Variants in RTL4 observed in about 807,000 individuals in gnomAD.
RTL4 encodes the protein retrotransposon Gag like 4, also known as retrotransposon Gag-like protein 4.
Under a neutral mutation model 5.3 loss-of-function variants are expected in RTL4, and 4 were observed. The observed-to-expected ratio is 0.75, with a 90% confidence interval of 0.37 to 1.72. RTL4 has a LOEUF of 1.72. Among genes scored for constraint, RTL4 ranks in the 40% most tolerant of loss-of-function variants. The pLI, the probability that RTL4 is intolerant of heterozygous loss-of-function variation, is 0.04. For missense variants in RTL4, 260 were observed against 227.1 expected (o/e 1.14, Z -0.93); for synonymous variants, 98 against 87.3 (o/e 1.12, Z -0.68).
At chrX:112,282,298 G>T in the RTL4 span, among the ~76,000 whole-genome samples, 1 of 111,966 alleles carries the variant, frequency 8.9e-6, no homozygotes, top group Admixed American at 9.4e-5. Flanking sequence ...GACCATAAAT[G>T]CATGAATGTA....
At chrX:112,338,921 C>T in the RTL4 span, among the ~76,000 whole-genome samples, 1 of 111,651 alleles carries the variant, frequency 9.0e-6, no homozygotes, top group African/African-American at 3.3e-5. Flanking sequence ...GATGCATTTC[C>T]CATGTCATGA....
At chrX:112,447,420 A>G in the RTL4 span, among the ~76,000 whole-genome samples, 1 of 112,302 alleles carries the variant, frequency 8.9e-6, no homozygotes, top group African/African-American at 3.2e-5. Flanking sequence ...AATTCACCCA[A>G]GGTCTCATAG....
At chrX:112,245,458 C>A in the RTL4 span, among the ~76,000 whole-genome samples, 1 of 111,672 alleles carries the variant, frequency 9.0e-6, no homozygotes, top group South Asian at 3.8e-4. Flanking sequence ...TCTTCAATCA[C>A]TGATACCCTT....
the RTL4 span, among the ~76,000 whole-genome samples, chrX:112,350,395 G>C: frequency 7.3e-5 from 8 of 108,906 alleles, no homozygotes; most frequent in East Asian, 2.0e-3. Flanking sequence ...AGTTAGGGAG[G>C]ATTCCCTCTT....
At chrX:112,457,388 C>T (rs1030843755), downstream of RTL4, among the ~76,000 whole-genome samples, 4 of 111,711 alleles carry the variant, frequency 3.6e-5, no homozygotes, top group African/African-American at 6.5e-5. Context: ...TAAGAAATTC[C>T]GACTATAGTA....
chrX:112,224,495 C>T, the RTL4 span, among the ~76,000 whole-genome samples: 2 of 109,384 alleles, frequency 1.8e-5, no homozygotes, highest in East Asian at 5.7e-4. Context: ...GTATGTGCCA[C>T]CATGCCTGGC....
At chrX:112,287,620 C>A in the RTL4 span, among the ~76,000 whole-genome samples, 1 of 111,542 alleles carries the variant, frequency 9.0e-6, no homozygotes, top group Non-Finnish European at 1.9e-5. Flanking sequence ...TAGGAGCATT[C>A]ATTTGAGAGC....
At chrX:112,294,729 C>T in the RTL4 span, among the ~76,000 whole-genome samples, 39 of 112,320 alleles carry the variant, frequency 3.5e-4, no homozygotes, top group Non-Finnish European at 5.8e-4. Flanking sequence ...TTGAATCAGC[C>T]TTAATCTTCT....
chrX:112,181,495 G>T, the RTL4 span, among the ~76,000 whole-genome samples: 3 of 111,542 alleles, frequency 2.7e-5, no homozygotes, highest in African/African-American at 9.8e-5. Context: ...CTTGGTGGGG[G>T]GAAGGGGGTC....
the RTL4 span, among the ~76,000 whole-genome samples, chrX:112,327,881 C>T: frequency 9.1e-6 from 1 of 110,212 alleles, no homozygotes; most frequent in Admixed American, 9.7e-5. Context: ...AATTTTCAAC[C>T]CAGAATTTCA....
rs758838079 is a variant in RTL4, at chrX:112,454,962, G to A, written c.234G>A (p.Val78=). Reference sequence around the variant, plus strand: ...ATTGCTCAGAGTTCCTCACTCAGGTGACTACCTACTTGACAGCTCTCCAAA... The same window carrying A: ...ATTGCTCAGAGTTCCTCACTCAGGTAACTACCTACTTGACAGCTCTCCAAA... The change falls in exon 1 of 1, where the codon GTG becomes GTA. Residue 78 remains valine (V), a synonymous_variant. Coordinates refer to ENST00000340433, the Ensembl canonical transcript of RTL4. The A allele has an allele frequency of 2.8e-4, 344 of 1,209,367 alleles. No homozygotes were observed. The Middle Eastern group carries it at 5.3e-3, about 19-fold the overall frequency.
the RTL4 span, among the ~76,000 whole-genome samples, chrX:112,216,469 G>T: frequency 7.2e-5 from 8 of 111,813 alleles, no homozygotes; most frequent in Non-Finnish European, 1.3e-4. Flanking sequence ...AAGGATGTTT[G>T]GGGATTAACA....
chrX:112,352,120 C>A, the RTL4 span, among the ~76,000 whole-genome samples: 73 of 110,913 alleles, frequency 6.6e-4, no homozygotes, highest in Non-Finnish European at 1.2e-3. Context: ...TTCTCCTTCA[C>A]TTATGAAGCT....
At chrX:112,138,940 A>G in the RTL4 span, among the ~76,000 whole-genome samples, 1 of 111,671 alleles carries the variant, frequency 9.0e-6, no homozygotes, top group South Asian at 3.7e-4. Context: ...TTGTTTTTAA[A>G]TAATGTCTGT....
chrX:112,171,912 A>G, the RTL4 span, among the ~76,000 whole-genome samples: 2 of 112,384 alleles, frequency 1.8e-5, no homozygotes, highest in Admixed American at 9.4e-5. Flanking sequence ...CTATCATCAG[A>G]GTGAACAGAC....
chrX:112,384,068 G>C, the RTL4 span, among the ~76,000 whole-genome samples: 1 of 112,158 alleles, frequency 8.9e-6, no homozygotes, highest in African/African-American at 3.2e-5. Context: ...TGAGTACCTA[G>C]AAGTGGGGTT....
At chrX:112,184,298 A>G in the RTL4 span, among the ~76,000 whole-genome samples, 1 of 110,811 alleles carries the variant, frequency 9.0e-6, no homozygotes, top group Non-Finnish European at 1.9e-5. Context: ...ACATGTATAC[A>G]TATGCAACAA....
rs865971499 is a variant in RTL4, at chrX:112,455,623, C to T, written c.895C>T (p.Arg299Ter). ...AAGAGATTGCCTTGCCAAACGTTCT[C>T]GAGCTCCGGCAACGACAAATAACAC... is the stretch of plus-strand genomic sequence containing the variant. Residue 299 changes from arginine to a stop codon, truncating the protein, a stop_gained, in exon 1 of 1, where the codon CGA becomes TGA. Coordinates refer to ENST00000340433, the Ensembl canonical transcript of RTL4. LOFTEE classifies it high-confidence loss of function. The T allele has an allele frequency of 3.5e-5, 42 of 1,208,106 alleles. No individual in the cohort carries two copies. The highest frequency in any genetic ancestry group is 4.1e-5 in the Non-Finnish European group (37 of 894,114).
the RTL4 span, among the ~76,000 whole-genome samples, chrX:112,402,887 C>T: frequency 4.5e-5 from 5 of 111,359 alleles, no homozygotes; most frequent in Admixed American, 3.8e-4. Flanking sequence ...ATTTGTCAGC[C>T]GACTTTCTTG....
Sources: gnomAD v4.1 joint callset for allele counts (sites outside exome capture counted in the v4.1 genomes callset) on GRCh38, gnomAD v4.1.1 for gene constraint, MANE v1.5 for transcripts, NCBI Gene and HGNC (gene_info 2026-07-23, HGNC 2026-07-21) for gene names.